SAMD9L: variants seen among roughly 807,000 people sequenced by gnomAD.
SAMD9L encodes sterile alpha motif domain containing 9 like.
A neutral mutation model predicts 90.7 loss-of-function variants in SAMD9L; 68 were observed. That is an observed-to-expected ratio of 0.75 (90% CI 0.62 to 0.92). SAMD9L has a LOEUF of 0.92. Ranked by LOEUF, SAMD9L falls within the 40% of genes least tolerant of loss-of-function variation. The pLI is 0.00. For synonymous variants in SAMD9L, 640 were observed against 630.1 expected (o/e 1.02, Z -0.23); for missense variants, 1,604 against 1,824.3 (o/e 0.88, Z 2.20).
At position 93,135,316 on chromosome 7, in the gene SAMD9L, T is replaced by C. The variant is rs1236779822; in HGVS notation, c.656A>G (p.Asn219Ser). 2 of 1,614,148 alleles carry C rather than the reference T, an allele frequency of 1.2e-6. No individual in the cohort carries two copies. Among genetic ancestry groups the C allele is most frequent in the Admixed American group, 3.3e-5 (2 of 60,020 alleles). Residue 219 changes from asparagine to serine, a missense_variant, in exon 5 of 5, where the codon AAT becomes AGT. Around this residue, in one of 7 missense-constraint regions of SAMD9L, gnomAD observed 374 missense variants for 363.6 expected, o/e 1.03. Coordinates refer to ENST00000318238, the MANE Select transcript of SAMD9L (RefSeq NM_152703.5). ...TEVDIKMKFSNEVFRFASACM... is the reference protein window; with the variant it reads ...TEVDIKMKFSSEVFRFASACM... Reference sequence around the variant, plus strand: ...AGCTGATGCAAATCGGAAGACTTCATTGCTGAATTTCATCTTAATGTCCAC... The same window carrying C: ...AGCTGATGCAAATCGGAAGACTTCACTGCTGAATTTCATCTTAATGTCCAC...
Position 93,131,658 on chromosome 7 carries a change from A to AT in SAMD9L, c.4313dup (p.Asn1438LysfsTer20). 1 of 1,613,816 alleles carries AT rather than the reference A, an allele frequency of 6.2e-7. No homozygotes were observed. Among genetic ancestry groups the AT allele is most frequent in the Middle Eastern group, 1.7e-4 (1 of 6,056 alleles). ...GTTTGGAATCTTGATCTAGCTCTTG[A>AT]TTTTCTGGCCAGAACAGGAGGCAGG... On this transcript the variant is annotated frameshift_variant, in exon 5 of 5. Coordinates refer to ENST00000318238, the MANE Select transcript of SAMD9L (RefSeq NM_152703.5). LOFTEE classifies it high-confidence loss of function.
In SAMD9L at chr7:93,132,870, A is replaced by G. The variant is rs75823828; in HGVS notation, c.3102T>C (p.Asp1034=). Residue 1034 remains aspartate, a synonymous_variant, in exon 5 of 5, where the codon GAT becomes GAC. Transcript: ENST00000318238. ...SGIGRDKFQH[D]VQTLLLTRQR... is the part of the protein sequence containing the mutation. ...GTCTTGTAAGCAGAAGAGTTTGAAC[A>G]TCATGTTGAAATTTGTCTCTTCCTA... is the stretch of plus-strand genomic sequence containing the variant. 2.4e-3 allele frequency: 3,822 copies of G among 1,613,800 alleles called. 92 individuals carry two copies. In the African/African-American group the frequency reaches 0.045, roughly 19 times the overall value.
chr7:93,134,493 G>T lies in SAMD9L; in HGVS notation c.1479C>A (p.Pro493=), dbSNP rs1792321135. The T allele has an allele frequency of 9.3e-6, 15 of 1,613,922 alleles. No homozygotes were observed. The highest frequency in any genetic ancestry group is 1.3e-5 in the Non-Finnish European group (15 of 1,179,874). The stretch of plus-strand genomic sequence containing the variant: ...ATCTGCCGTTGCAGAAAATCCAGCT[G>T]GGCTGTTGGTAAAGATTAAGAGTAG... ...KISTLNLYQQ[P]SWIFCNGRSD... Residue 493 remains proline, a synonymous_variant, in exon 5 of 5, where the codon CCC becomes CCA. Coordinates refer to ENST00000318238, the MANE Select transcript of SAMD9L (RefSeq NM_152703.5).
Position 93,130,998 on chromosome 7 carries a change from T to C in SAMD9L, c.*219A>G, listed in dbSNP as rs1371858785. On this transcript the variant is annotated 3_prime_UTR_variant, in exon 5 of 5. Transcript: ENST00000318238. ...TTAATTATTTGAGTCTGAAAATGCA[T>C]ATTTAAAACATTAAAAGATTGACTC... 1.9e-5 allele frequency: 8 copies of C among 421,982 alleles called. No individual in the cohort carries two copies. Among genetic ancestry groups the C allele is most frequent in the Non-Finnish European group, 2.9e-5 (7 of 240,076 alleles). The allele number at this position is 421,982 out of a possible 1,614,324, so 26.1% of individuals were successfully genotyped here. A position where few individuals can be genotyped will look rare whatever the true frequency, so the allele number is the denominator to read the frequency against.
chr7:93,130,099 A>C lies in SAMD9L; in HGVS notation c.*1118T>G, dbSNP rs960436267. 1 of 152,242 alleles carries C rather than the reference A, an allele frequency of 6.6e-6. No homozygotes were observed. The highest frequency in any genetic ancestry group is 2.1e-4 in the South Asian group (1 of 4,834). The allele number at this position is 152,242 out of a possible 1,614,324, so 9.4% of individuals were successfully genotyped here. Reference sequence around the variant, plus strand: ...TTTTATTCAATATTCAATTTAATCTATATTAGCCTATGTTTCACTTTATAG... The same window carrying C: ...TTTTATTCAATATTCAATTTAATCTCTATTAGCCTATGTTTCACTTTATAG... On this transcript the variant is annotated 3_prime_UTR_variant, in exon 5 of 5. Coordinates refer to ENST00000318238, the MANE Select transcript of SAMD9L (RefSeq NM_152703.5).
rs1792116815 is a variant in SAMD9L at position 93,131,818 on chromosome 7, A to G, written c.4154T>C (p.Leu1385Ser). The G allele has an allele frequency of 1.2e-6, 2 of 1,613,230 alleles. No homozygotes were observed. The highest frequency in any genetic ancestry group is 1.3e-5 in the African/African-American group (1 of 75,028). ...TAGACAACTCAGAATAATGTTGGCC[A>G]AAATGGAATTTTGTTTCTCATTTGT... The part of the protein sequence containing the change: ...PMTNEKQNSI[L>S]ANIILSCLKP... Residue 1385 changes from leucine (L) to serine (S), a missense_variant, in exon 5 of 5, where the codon TTG becomes TCG. This residue lies in a region of SAMD9L where 282 missense variants were observed against 329.6 expected (regional missense o/e 0.86). Transcript: ENST00000318238.
At position 93,147,050 on chromosome 7, in the gene SAMD9L, T is replaced by C. The variant is rs1460547855; in HGVS notation, c.-946A>G. On this transcript the variant is annotated 5_prime_UTR_variant, in exon 2 of 5. Coordinates refer to ENST00000318238, the MANE Select transcript of SAMD9L (RefSeq NM_152703.5). ...TGCTCTTCTGGCAAGGGGCTTACAC[T>C]TTCCACAGACACAGTCTGCTCGGGT... 6.6e-6 allele frequency: 1 copy of C among 152,240 alleles called. No individual in the cohort carries two copies. The highest frequency in any genetic ancestry group is 6.5e-5 in the Admixed American group (1 of 15,284). 9.4% of individuals were successfully genotyped at this position (152,240 alleles called of 1,614,324 possible).
intron 1 of SAMD9L, among the ~76,000 whole-genome samples, chr7:93,147,848 G>T (rs1172290155): frequency 6.6e-6 from 1 of 152,102 alleles, no homozygotes; most frequent in Admixed American, 6.5e-5. Context: ...AATTACACAA[G>T]ATCACACGTT....
intron 4 of SAMD9L, among the ~76,000 whole-genome samples, chr7:93,137,618 C>G (rs113237268): frequency 4.6e-5 from 7 of 152,056 alleles, no homozygotes; most frequent in African/African-American, 1.7e-4. Context: ...AACCATCCCC[C>G]ACTACCCTGT....
Position 93,131,931 on chromosome 7 carries a change from A to G in SAMD9L, c.4041T>C (p.Leu1347=), listed in dbSNP as rs755681696. The G allele has an allele frequency of 1.2e-6, 2 of 1,613,080 alleles. No individual in the cohort carries two copies. The highest frequency in any genetic ancestry group is 1.7e-6 in the Non-Finnish European group (2 of 1,179,772). The change falls in exon 5 of 5, where the codon CTT becomes CTC. Residue 1347 remains leucine (L), a synonymous_variant. Transcript: ENST00000318238. ...TGGTAGCATCTTTGTAGTTTGGATTAAGATATTCCAAGAGTCCAGCAAACC... is the reference window on the plus strand; with the variant it reads ...TGGTAGCATCTTTGTAGTTTGGATTGAGATATTCCAAGAGTCCAGCAAACC... The part of the protein sequence containing the change: ...ADRFAGLLEY[L]NPNYKDATTM...
Position 93,131,700 on chromosome 7 carries a change from T to C in SAMD9L, c.4272A>G (p.Pro1424=). Residue 1424 remains proline, a synonymous_variant, in exon 5 of 5, where the codon CCA becomes CCG. Coordinates refer to ENST00000318238, the MANE Select transcript of SAMD9L (RefSeq NM_152703.5). ...GGAGGCAGGCCAAGAAATAAGGACC[T>C]GGATATTGATGACTTAGTCCTACAA... ...LQFVGLSHQY[P]GPYFLACLLF... is the part of the protein sequence containing the mutation. 1 of 1,613,962 alleles carries C rather than the reference T, an allele frequency of 6.2e-7. No homozygotes were observed. The highest frequency in any genetic ancestry group is 8.5e-7 in the Non-Finnish European group (1 of 1,179,882).
intron 2 of SAMD9L, 84 bp from the exon 3 acceptor site, chr7:93,146,124 ACCCTGCTAATC>A (rs1198115849): frequency 6.6e-6 from 1 of 152,190 alleles, no homozygotes; most frequent in African/African-American, 2.4e-5. Context: ...ACAATCTGGT[ACCCTGCTAATC>A]CTCTGATATT....
At position 93,132,411 on chromosome 7, in the gene SAMD9L, T is replaced by C. The variant is rs1354684972; in HGVS notation, c.3561A>G (p.Arg1187=). 4 of 1,613,826 alleles carry C rather than the reference T, an allele frequency of 2.5e-6. No individual in the cohort carries two copies. The highest frequency in any genetic ancestry group is 3.4e-6 in the Non-Finnish European group (4 of 1,179,822). ...AAGCTGTGTTATACATGTCATATCG[T>C]CTCTGGGACTTCTGTGGTGACCAGT... ...TENWSPQKSQ[R]RYDMYNTACF... is the part of the protein sequence containing the mutation. The change falls in exon 5 of 5, where the codon AGA becomes AGG. Residue 1187 remains arginine, a synonymous_variant. Transcript: ENST00000318238.
chr7:93,132,462 A>T lies in SAMD9L; in HGVS notation c.3510T>A (p.Thr1170=), dbSNP rs777108181. 3.1e-6 allele frequency: 5 copies of T among 1,613,556 alleles called. No homozygotes were observed. The highest frequency in any genetic ancestry group is 4.2e-6 in the Non-Finnish European group (5 of 1,179,794). The change falls in exon 5 of 5, where the codon ACT becomes ACA. Residue 1170 remains threonine (T), a synonymous_variant. Transcript: ENST00000318238. ...TCTCGGTTTCATAGTTTTTACTATCAGTTTGCCTTTGGGATTCTTTGAAAG... is the reference window on the plus strand; with the variant it reads ...TCTCGGTTTCATAGTTTTTACTATCTGTTTGCCTTTGGGATTCTTTGAAAG... ...SRAFKESQRQ[T]DSKNYETENW...
Position 93,134,869 on chromosome 7 carries a change from T to A in SAMD9L, c.1103A>T (p.Gln368Leu). 1.2e-6 allele frequency: 2 copies of A among 1,614,002 alleles called. No homozygotes were observed. The highest frequency in any genetic ancestry group is 1.7e-6 in the Non-Finnish European group (2 of 1,179,926). ...QRDVDFKAFL[Q>L]NLKSLVASRK... ...AGATGCTACCAGTGACTTTAAATTT[T>A]GTAAAAATGCCTTGAAATCTACATC... Residue 368 changes from glutamine to leucine, a missense_variant, in exon 5 of 5, where the codon CAA becomes CTA. Physicochemically the swap from Gln to Leu is moderately radical, Grantham distance 113. This residue lies in a region of SAMD9L where 606 missense variants were observed against 717.6 expected (regional missense o/e 0.84). Transcript: ENST00000318238.
rs375447430 is a variant in SAMD9L, at chr7:93,133,511, C to T, written c.2461G>A (p.Val821Ile). Residue 821 changes from valine (V) to isoleucine (I), a missense_variant, in exon 5 of 5, where the codon GTT (valine) becomes ATT (isoleucine). Transcript: ENST00000318238. ...TATCGCAAATCCTTTTCTGCTAAAACGGAATGGATGGCATTTTGTAGAAAG... is the reference window on the plus strand; with the variant it reads ...TATCGCAAATCCTTTTCTGCTAAAATGGAATGGATGGCATTTTGTAGAAAG... ...VYFLQNAIHS[V>I]LAEKDLRYEK... 92 of 1,613,000 alleles carry T rather than the reference C, an allele frequency of 5.7e-5. No homozygotes were observed. Among genetic ancestry groups the T allele is most frequent in the South Asian group, 2.5e-4 (23 of 90,822 alleles).
In SAMD9L at chr7:93,131,288, T is replaced by C. The variant is rs770911667; in HGVS notation, c.4684A>G (p.Ile1562Val). 1 of 1,609,578 alleles carries C rather than the reference T, an allele frequency of 6.2e-7. No homozygotes were observed. The highest frequency in any genetic ancestry group is 1.1e-5 in the South Asian group (1 of 90,146). Residue 1562 changes from isoleucine to valine, a missense_variant, in exon 5 of 5, where the codon ATA becomes GTA. By Grantham distance (29) the Ile-to-Val change is conservative. Coordinates refer to ENST00000318238, the MANE Select transcript of SAMD9L (RefSeq NM_152703.5). Reference sequence around the variant, plus strand: ...CCTAGGTAGAAAGACACTCTTTCTATGTTCCTACCACTTCTGAGTGGACCT... The same window carrying C: ...CCTAGGTAGAAAGACACTCTTTCTACGTTCCTACCACTTCTGAGTGGACCT... The part of the protein sequence containing the change: ...YSGPLRSGRN[I>V]ERVSFYLGFS...
rs1264831787 is a variant in SAMD9L, at chr7:93,132,370, A to T, written c.3602T>A (p.Ile1201Lys). The T allele has an allele frequency of 2.5e-6, 4 of 1,613,830 alleles. No individual in the cohort carries two copies. The highest frequency in any genetic ancestry group is 8.5e-7 in the Non-Finnish European group (1 of 1,179,828). Reference protein sequence around the residue: ...MYNTACFLGEIEVGLYTIQIL... With the variant: ...MYNTACFLGEKEVGLYTIQIL... The stretch of plus-strand genomic sequence containing the variant: ...CTGGATAGTGTAAAGACCAACTTCT[A>T]TTTCACCCAAGAAACAAGCTGTGTT... Residue 1201 changes from isoleucine (I) to lysine (K), a missense_variant, in exon 5 of 5, where the codon ATA becomes AAA. Physicochemically the swap from Ile to Lys is moderately radical, Grantham distance 102. Around this residue, in one of 7 missense-constraint regions of SAMD9L, gnomAD observed 302 missense variants for 314.7 expected, o/e 0.96. Transcript: ENST00000318238.
chr7:93,140,110 C>A (rs1792623477), intron 4 of SAMD9L, among the ~76,000 whole-genome samples: 2 of 152,188 alleles, frequency 1.3e-5, no homozygotes, highest in Non-Finnish European at 2.9e-5. Context: ...CCCTCCATAC[C>A]CTGACTGGAA....
Sources: allele counts gnomAD v4.1 joint callset (sites outside exome capture counted in the v4.1 genomes callset), GRCh38; gene constraint gnomAD v4.1.1; regional missense constraint gnomAD v4.1.1; transcripts MANE v1.5; gene names NCBI Gene and HGNC (gene_info 2026-07-23, HGNC 2026-07-21).